ASPH: variants seen among roughly 807,000 people sequenced by gnomAD.
ASPH encodes aspartate beta-hydroxylase, also known as aspartyl/asparaginyl beta-hydroxylase.
ASPH carries 100 observed loss-of-function variants against 118.4 expected under a neutral mutation model. The observed-to-expected ratio is 0.84, with a 90% CI of 0.72 to 1.00. ASPH has a LOEUF of 1.00. ASPH is among the 50% of genes least tolerant of loss of function. The pLI, the probability that ASPH is intolerant of heterozygous loss-of-function variation, is 0.00. For missense variants in ASPH, 920 were observed against 919.5 expected (o/e 1.00, Z -0.01); for synonymous variants, 315 against 325.6 (o/e 0.97, Z 0.35).
At position 61,517,635 on chromosome 8, in the gene ASPH, C is replaced by G; in HGVS notation, c.2019G>C (p.Gly673=). 1 of 1,614,030 alleles carries G rather than the reference C, an allele frequency of 6.2e-7. No homozygotes were observed. ...GCCCTGTGTGCGGCCACACGTGAGT[C>G]CCGGGGTGCATGATGGAATATTTGA... ...GQIKYSIMHP[G]THVWPHTGPT... Residue 673 remains glycine, a synonymous_variant, in exon 24 of 25, where the codon GGG becomes GGC. Coordinates refer to ENST00000379454, the MANE Select transcript of ASPH (RefSeq NM_004318.4).
intron 21 of ASPH, among the ~76,000 whole-genome samples, chr8:61,547,473 T>C (rs1024240215): frequency 1.3e-5 from 2 of 152,210 alleles, no homozygotes; most frequent in South Asian, 2.1e-4. Context: ...AAAGATATTA[T>C]GTGCTCTTTT....
chr8:61,540,295 T>C (rs1821359980), intron 21 of ASPH, among the ~76,000 whole-genome samples: 1 of 152,042 alleles, frequency 6.6e-6, no homozygotes, highest in Admixed American at 6.5e-5. Flanking sequence ...GATTGGACCA[T>C]GGGGGTGATT....
intron 3 of ASPH, among the ~76,000 whole-genome samples, chr8:61,654,171 G>A (rs1812470495): frequency 6.6e-6 from 1 of 152,068 alleles, no homozygotes; most frequent in Admixed American, 6.6e-5. Flanking sequence ...ACCCCTACAA[G>A]TAATCATATT....
chr8:61,648,346 A>G (rs542504681), intron 5 of ASPH, among the ~76,000 whole-genome samples: 1 of 152,310 alleles, frequency 6.6e-6, no homozygotes, highest in South Asian at 2.1e-4. Flanking sequence ...TGGCAAGGCA[A>G]TGCTCTCAGG....
intron 18 of ASPH, among the ~76,000 whole-genome samples, chr8:61,561,307 T>C (rs879264247): frequency 2.0e-5 from 3 of 152,220 alleles, no homozygotes; most frequent in Non-Finnish European, 4.4e-5. Context: ...TTGAGTGTTA[T>C]GTGTTGGCCA....
intron 5 of ASPH, among the ~76,000 whole-genome samples, chr8:61,650,191 G>A (rs1810222787): frequency 6.6e-6 from 1 of 152,134 alleles, no homozygotes; most frequent in South Asian, 2.1e-4. Flanking sequence ...CTTGAGGAAG[G>A]GGAAGCCTGC....
rs74742859 is a variant in ASPH, at chr8:61,574,819, A to G, written c.1149+1953T>C. On this transcript the variant is annotated intron_variant, in intron 16 of 24. Transcript: ENST00000379454. Reference sequence around the variant, plus strand: ...TGTAACAAACCTCCATGTTCTGCACATGTATCCCAGAACTTAAAGTATAAA... The same window carrying G: ...TGTAACAAACCTCCATGTTCTGCACGTGTATCCCAGAACTTAAAGTATAAA... Among the ~76,000 whole-genome samples the G allele has an allele frequency of 6.9e-3, 1,050 of 152,302 alleles. 35 individuals are homozygous for G. The East Asian group carries it at 0.12, about 18-fold the overall frequency.
At chr8:61,693,777 ACCT>A (rs1833268519) in intron 1 of ASPH, among the ~76,000 whole-genome samples, 2 of 151,678 alleles carry the variant, frequency 1.3e-5, no homozygotes, top group South Asian at 4.2e-4. Flanking sequence ...TCCCCTCTTC[ACCT>A]CCTGCCTTCA....
At chr8:61,573,764 A>G (rs1235003455) in intron 16 of ASPH, among the ~76,000 whole-genome samples, 1 of 152,238 alleles carries the variant, frequency 6.6e-6, no homozygotes, top group Non-Finnish European at 1.5e-5. Flanking sequence ...AAATCTAGGC[A>G]ATACCATTCA....
chr8:61,617,046 C>T (rs1009972771), intron 14 of ASPH, among the ~76,000 whole-genome samples: 1 of 152,190 alleles, frequency 6.6e-6, no homozygotes, highest in Admixed American at 6.5e-5. Context: ...ACACATCCAA[C>T]ACATTGAAGT....
chr8:61,711,631 C>A (rs1299608603), intron 1 of ASPH, among the ~76,000 whole-genome samples: 1 of 152,032 alleles, frequency 6.6e-6, no homozygotes, highest in East Asian at 1.9e-4. Context: ...AGCAAAAAAA[C>A]CACCAAGATA....
chr8:61,583,685 A>G (rs896522205), intron 15 of ASPH: 4 of 361,696 alleles, frequency 1.1e-5, no homozygotes, highest in African/African-American at 8.6e-5. Context: ...CCAAAGCTGC[A>G]TAACTAGAAT....
At chr8:61,619,331 G>A (rs2150502153) in intron 13 of ASPH, among the ~76,000 whole-genome samples, 1 of 152,242 alleles carries the variant, frequency 6.6e-6, no homozygotes, top group Non-Finnish European at 1.5e-5. Flanking sequence ...TGTCTCTAAG[G>A]TACAAAGACA....
chr8:61,597,541 A>T (rs552773966), intron 14 of ASPH, among the ~76,000 whole-genome samples: 1 of 152,334 alleles, frequency 6.6e-6, no homozygotes, highest in East Asian at 1.9e-4. Flanking sequence ...AAGCTCAAAG[A>T]TCCCCAAATA....
intron 22 of ASPH, among the ~76,000 whole-genome samples, chr8:61,520,106 T>C (rs1276482052): frequency 6.6e-6 from 1 of 152,206 alleles, no homozygotes; most frequent in African/African-American, 2.4e-5. Context: ...TGATAAAGAA[T>C]AGGATTTAAA....
chr8:61,697,864 C>T (rs569556518), intron 1 of ASPH, among the ~76,000 whole-genome samples: 4 of 152,272 alleles, frequency 2.6e-5, no homozygotes, highest in African/African-American at 7.2e-5. Flanking sequence ...TCAGAGTTCA[C>T]TGTAGCCTTG....
rs1858564306 is a variant in ASPH at position 61,637,873 on chromosome 8, G to A, written c.889+74C>T. 6 of 1,416,550 alleles carry A rather than the reference G, an allele frequency of 4.2e-6. No individual in the cohort carries two copies. The Admixed American group carries it at 1.2e-4, about 28-fold the overall frequency. 87.7% of individuals were successfully genotyped at this position (1,416,550 alleles called of 1,614,324 possible). On this transcript the variant is annotated intron_variant, in intron 12 of 24. Coordinates refer to ENST00000379454, the MANE Select transcript of ASPH (RefSeq NM_004318.4). ...ACTGTATAGACAGCAAGTAGGAAAT[G>A]TTCGATAAATAACTGAATAAACAAA...
chr8:61,621,949 T>C (rs1310968244), intron 13 of ASPH, among the ~76,000 whole-genome samples: 1 of 152,220 alleles, frequency 6.6e-6, no homozygotes, highest in Non-Finnish European at 1.5e-5. Context: ...TTTAAATATT[T>C]TGTCAGAACA....
chr8:61,526,167 CATA>C, intron 21 of ASPH, 55 bp from the exon 22 acceptor site: 2 of 1,596,112 alleles, frequency 1.3e-6, no homozygotes, highest in Non-Finnish European at 1.7e-6. Context: ...TGGAGCACCT[CATA>C]ATGACTCTTG....
Sources: gnomAD v4.1 joint callset for allele counts (sites outside exome capture counted in the v4.1 genomes callset) on GRCh38, gnomAD v4.1.1 for gene constraint, MANE v1.5 for transcripts, NCBI Gene and HGNC (gene_info 2026-07-23, HGNC 2026-07-21) for gene names.